COL4A5: variants seen among roughly 807,000 people sequenced by gnomAD.
The protein encoded by COL4A5 is collagen alpha-5(IV) chain.
COL4A5 carries 26 observed loss-of-function variants against 130.2 expected under a neutral mutation model. That is an observed-to-expected ratio of 0.20 (90% confidence interval 0.15 to 0.28). The LOEUF is 0.28. COL4A5 is among the 10% of genes least tolerant of loss of function. COL4A5 has a pLI of 1.00. For missense variants in COL4A5, 1,131 were observed against 1,344.3 expected (o/e 0.84, Z 2.48); for synonymous variants, 496 against 439.6 (o/e 1.13, Z -1.60).
chrX:108,626,536 A>G, intron 36 of COL4A5, 187 bp downstream of exon 36: 1 of 1,143,948 alleles, frequency 8.7e-7, no homozygotes, highest in South Asian at 2.0e-5. Flanking sequence ...TGGCCAGTCC[A>G]AAATAAAAAG....
At chrX:108,552,514 G>A (rs954832968) in intron 2 of COL4A5, among the ~76,000 whole-genome samples, 2 of 111,484 alleles carry the variant, frequency 1.8e-5, no homozygotes, top group East Asian at 5.6e-4. Flanking sequence ...GTAGTAAATT[G>A]GAATTATAAT....
chrX:108,488,302 T>C (rs949322445), intron 1 of COL4A5, among the ~76,000 whole-genome samples: 1 of 113,138 alleles, frequency 8.8e-6, no homozygotes, highest in Non-Finnish European at 1.9e-5. Context: ...GTATTATTTG[T>C]TTGTATAGAG....
chrX:108,588,871 T>C (rs948615007), intron 19 of COL4A5, among the ~76,000 whole-genome samples: 1 of 111,514 alleles, frequency 9.0e-6, no homozygotes, highest in African/African-American at 3.2e-5. Context: ...TTAGGGATTC[T>C]GTATTACATT....
At chrX:108,608,776 T>C (rs2066778372) in intron 29 of COL4A5, among the ~76,000 whole-genome samples, 1 of 111,656 alleles carries the variant, frequency 9.0e-6, no homozygotes, top group African/African-American at 3.3e-5. Flanking sequence ...GTTTTAGAAA[T>C]TTTCCTTATG....
Position 108,457,744 on chromosome X carries a change from C to T in COL4A5, c.81+17538C>T, listed in dbSNP as rs369850721. Reference sequence around the variant, plus strand: ...GCTATGTAATTAACCTCTCTACTTACCCACAGTTTCTGGCAATCACTCATC... The same window carrying T: ...GCTATGTAATTAACCTCTCTACTTATCCACAGTTTCTGGCAATCACTCATC... On this transcript the variant is annotated intron_variant, in intron 1 of 52. Transcript: ENST00000328300. Among the ~76,000 whole-genome samples, 42 of 111,722 alleles carry T rather than the reference C, an allele frequency of 3.8e-4. 2 individuals are homozygous for T. The highest frequency in any genetic ancestry group is 2.7e-3 in the Admixed American group (28 of 10,472).
intron 1 of COL4A5, among the ~76,000 whole-genome samples, chrX:108,477,389 A>G (rs1270982765): frequency 4.5e-5 from 5 of 112,201 alleles, no homozygotes; most frequent in African/African-American, 1.6e-4. Context: ...CCCAAATACT[A>G]TTACATAAAG....
chrX:108,511,490 A>G (rs762167669), intron 1 of COL4A5, among the ~76,000 whole-genome samples: 3 of 111,864 alleles, frequency 2.7e-5, no homozygotes, highest in Admixed American at 9.5e-5. Flanking sequence ...ATGGAAATGT[A>G]AGAGATCCGG....
chrX:108,670,086 GTATTCTTT>G (rs2068170322), intron 41 of COL4A5, 134 bp from the exon 42 acceptor site: 1 of 651,299 alleles, frequency 1.5e-6, no homozygotes, highest in Admixed American at 3.2e-5. Flanking sequence ...AACTTTCAGA[GTATTCTTT>G]TATTGAAATG....
chrX:108,536,564 C>T (rs1052670701), intron 1 of COL4A5, among the ~76,000 whole-genome samples: 6 of 110,653 alleles, frequency 5.4e-5, no homozygotes, highest in African/African-American at 2.0e-4. Flanking sequence ...ACTTCTTTGC[C>T]CCAATCAATT....
intron 52 of COL4A5, chrX:108,695,910 T>C: frequency 4.6e-6 from 1 of 218,015 alleles, no homozygotes. Context: ...AATTTATTTT[T>C]ATGTGTTGCT....
At chrX:108,601,823 C>CT (rs1448641314) in intron 26 of COL4A5, 62 bp from the exon 27 acceptor site, 1 of 682,542 alleles carries the variant, frequency 1.5e-6, no homozygotes, top group African/African-American at 2.2e-5. Flanking sequence ...AGCCACTGCA[C>CT]CTGGCCCTGA....
chrX:108,639,694 C>A (rs180857848), intron 36 of COL4A5, among the ~76,000 whole-genome samples: 28 of 111,522 alleles, frequency 2.5e-4, no homozygotes, highest in Admixed American at 1.1e-3. Context: ...ATAACAAAAG[C>A]CATCAAACAA....
chrX:108,585,278 T>TGTTTTTAGTATTTAG (rs2066317980), intron 18 of COL4A5, among the ~76,000 whole-genome samples: 1 of 112,194 alleles, frequency 8.9e-6, no homozygotes, highest in Non-Finnish European at 1.9e-5. Flanking sequence ...GTTAGTAACA[T>TGTTTTTAGTATTTAG]TAACTTAATT....
At chrX:108,474,006 C>T (rs1048834535) in intron 1 of COL4A5, among the ~76,000 whole-genome samples, 1 of 110,878 alleles carries the variant, frequency 9.0e-6, no homozygotes, top group Admixed American at 9.6e-5. Context: ...TATCAGAAAG[C>T]TAAAACAATT....
intron 2 of COL4A5, among the ~76,000 whole-genome samples, chrX:108,544,850 G>T (rs1235418929): frequency 9.0e-6 from 1 of 111,710 alleles, no homozygotes; most frequent in East Asian, 2.8e-4. Context: ...GAGTGTATGT[G>T]TTGAGGAGTT....
intron 1 of COL4A5, among the ~76,000 whole-genome samples, chrX:108,452,153 C>G (rs1475439694): frequency 9.0e-6 from 1 of 111,472 alleles, no homozygotes; most frequent in Non-Finnish European, 1.9e-5. Context: ...GGCGTTATTT[C>G]TGAGGGCTCT....
chrX:108,544,492 G>A (rs1161363869), intron 2 of COL4A5, among the ~76,000 whole-genome samples: 1 of 111,721 alleles, frequency 9.0e-6, no homozygotes, highest in East Asian at 2.8e-4. Context: ...TTTTTGATGT[G>A]CTCTTGGATT....
chrX:108,675,277 A>T (rs971016202), intron 43 of COL4A5, among the ~76,000 whole-genome samples: 1 of 109,663 alleles, frequency 9.1e-6, no homozygotes, highest in Non-Finnish European at 1.9e-5. Context: ...CAAGTTTCCC[A>T]TTTTTTTTTA....
chrX:108,639,874 A>C (rs1160190001), intron 36 of COL4A5, among the ~76,000 whole-genome samples: 2 of 112,366 alleles, frequency 1.8e-5, no homozygotes, highest in Admixed American at 9.4e-5. Flanking sequence ...ATTATATAAA[A>C]AACAGTAAAT....
Sources: gnomAD v4.1 joint callset for allele counts (sites outside exome capture counted in the v4.1 genomes callset) on GRCh38, gnomAD v4.1.1 for gene constraint, MANE v1.5 for transcripts, NCBI Gene and HGNC (gene_info 2026-07-23, HGNC 2026-07-21) for gene names.